The following TENM3 variants were observed in gnomAD, a reference collection of about 807,000 sequenced individuals.
TENM3 encodes teneurin transmembrane protein 3.
TENM3 carries 63 observed loss-of-function variants against 255.1 expected under a neutral mutation model. The ratio of observed to expected loss-of-function variants is 0.25; its 90% CI spans 0.20 to 0.30. The LOEUF (loss-of-function observed/expected upper bound fraction) is 0.30. TENM3 is among the 10% of genes least tolerant of loss of function. TENM3 has a pLI of 1.00. For missense variants in TENM3, 2,929 were observed against 3,461.1 expected (o/e 0.85, Z 3.86); for synonymous variants, 1,306 against 1,322.3 (o/e 0.99, Z 0.27).
chr4:182,631,240 A>G (rs1044576095), intron 5 of TENM3, among the ~76,000 whole-genome samples: 13 of 152,152 alleles, frequency 8.5e-5, no homozygotes, highest in African/African-American at 3.1e-4. Flanking sequence ...ACAGATATTT[A>G]TTGAACATTT....
intron 12 of TENM3, among the ~76,000 whole-genome samples, chr4:182,712,605 G>A (rs971923392): frequency 5.3e-5 from 8 of 152,104 alleles, no homozygotes; most frequent in African/African-American, 1.4e-4. Flanking sequence ...AGAGACAGTC[G>A]AAATAGTCTT....
chr4:182,081,047 T>C, the TENM3 span, among the ~76,000 whole-genome samples: 2 of 152,124 alleles, frequency 1.3e-5, no homozygotes, highest in African/African-American at 4.8e-5. Context: ...TTTGGTAATT[T>C]AGGAGACTTC....
At chr4:181,951,917 A>G in the TENM3 span, among the ~76,000 whole-genome samples, 1 of 152,178 alleles carries the variant, frequency 6.6e-6, no homozygotes, top group Non-Finnish European at 1.5e-5. Context: ...ATTGTTCTTT[A>G]TATATTGTAG....
At chr4:181,719,062 C>T in the TENM3 span, among the ~76,000 whole-genome samples, 1 of 151,156 alleles carries the variant, frequency 6.6e-6, no homozygotes, top group African/African-American at 2.4e-5. Flanking sequence ...AAAAATTAGC[C>T]GGGCGCGGTG....
chr4:181,553,310 ATGTG>A, the TENM3 span, among the ~76,000 whole-genome samples: 4,950 of 121,062 alleles, frequency 0.041, 218 homozygotes, highest in African/African-American at 0.12. Flanking sequence ...GTGTGTGTGT[ATGTG>A]TATGCGTATA....
intron 3 of TENM3, among the ~76,000 whole-genome samples, chr4:182,401,416 T>A (rs759050751): frequency 6.6e-6 from 1 of 152,204 alleles, no homozygotes; most frequent in Non-Finnish European, 1.5e-5. Flanking sequence ...AAAGTTGAAA[T>A]TATTCTTTAA....
chr4:182,173,246 C>T (rs149094235), intron 1 of TENM3, among the ~76,000 whole-genome samples: 1 of 152,210 alleles, frequency 6.6e-6, no homozygotes, highest in East Asian at 1.9e-4. Flanking sequence ...ACCTACAGCT[C>T]GGAAGTGATC....
At position 182,520,764 on chromosome 4, in the gene TENM3, A is replaced by G. The variant is rs188433992; in HGVS notation, c.512-80160A>G. Among the ~76,000 whole-genome samples, 202 of 152,334 alleles carry G rather than the reference A, an allele frequency of 1.3e-3. 1 individual carries two copies. Among genetic ancestry groups the G allele is most frequent in the South Asian group, 9.9e-3 (48 of 4,834 alleles). ...TCTTCTAGAGAGTTTGTGATTTATT[A>G]GTTTTATAACAAAATGGCTTAAAAG... On this transcript the variant is annotated intron_variant, in intron 3 of 27. Transcript: ENST00000511685.
intron 3 of TENM3, among the ~76,000 whole-genome samples, chr4:182,380,413 G>A (rs968869475): frequency 8.5e-5 from 13 of 152,208 alleles, no homozygotes; most frequent in African/African-American, 3.1e-4. Context: ...ACTCCATGTG[G>A]ACAGGCACCA....
At chr4:182,549,490 T>G (rs1002660722) in intron 3 of TENM3, among the ~76,000 whole-genome samples, 3 of 152,090 alleles carry the variant, frequency 2.0e-5, no homozygotes, top group African/African-American at 7.2e-5. Flanking sequence ...TAGCTTTTGG[T>G]GTTTTTGGGA....
At chr4:181,600,310 AG>A in the TENM3 span, among the ~76,000 whole-genome samples, 1 of 152,132 alleles carries the variant, frequency 6.6e-6, no homozygotes, top group South Asian at 2.1e-4. Flanking sequence ...CTAAAATCTG[AG>A]GGCTCCAGAG....
chr4:182,457,103 T>TG (rs1352644371), intron 3 of TENM3, among the ~76,000 whole-genome samples: 1 of 151,104 alleles, frequency 6.6e-6, no homozygotes, highest in Non-Finnish European at 1.5e-5. Flanking sequence ...GAGAATCTCT[T>TG]GCACCTGGGA....
the TENM3 span, among the ~76,000 whole-genome samples, chr4:181,898,562 A>G: frequency 6.6e-6 from 1 of 152,180 alleles, no homozygotes; most frequent in African/African-American, 2.4e-5. Context: ...GTATACTGCT[A>G]TATGTTCTAA....
chr4:182,139,935 T>G (rs1011843653), upstream of TENM3, among the ~76,000 whole-genome samples: 4 of 152,262 alleles, frequency 2.6e-5, no homozygotes, highest in African/African-American at 9.6e-5. Flanking sequence ...CCAAAATGCA[T>G]GCACATTGAG....
the TENM3 span, among the ~76,000 whole-genome samples, chr4:181,704,528 A>G: frequency 1.3e-5 from 2 of 152,040 alleles, no homozygotes; most frequent in African/African-American, 4.8e-5. Flanking sequence ...TTTTGTTCAG[A>G]TACAAATTAT....
Position 182,514,053 on chromosome 4 carries a change from T to G in TENM3, c.512-86871T>G, listed in dbSNP as rs983448101. 4.6e-5 allele frequency among the ~76,000 whole-genome samples: 7 copies of G among 152,346 alleles called. No individual in the cohort carries two copies. In the South Asian group the frequency reaches 1.4e-3, roughly 32 times the overall value. ...CTGCCTCCTAACCAACCCTGATGCT[T>G]CTTTTTGTGGCCCTGTTGGGGCGGC... On this transcript the variant is annotated intron_variant, in intron 3 of 27. Coordinates refer to ENST00000511685, the MANE Select transcript of TENM3 (RefSeq NM_001080477.4).
the TENM3 span, among the ~76,000 whole-genome samples, chr4:181,994,042 C>T: frequency 4.5e-4 from 69 of 152,070 alleles, no homozygotes; most frequent in African/African-American, 1.2e-3. Flanking sequence ...TCATTACATT[C>T]ATACAATGAT....
intron 19 of TENM3, among the ~76,000 whole-genome samples, chr4:182,747,361 C>T (rs996675066): frequency 1.3e-5 from 2 of 152,112 alleles, no homozygotes; most frequent in African/African-American, 4.8e-5. Flanking sequence ...AACTAATAAG[C>T]ACCACCAGGA....
the TENM3 span, among the ~76,000 whole-genome samples, chr4:181,781,603 C>G: frequency 6.6e-6 from 1 of 152,058 alleles, no homozygotes; most frequent in African/African-American, 2.4e-5. Context: ...AATTGAGTAC[C>G]CTTTATTTCT....
Sources: gnomAD v4.1 joint callset for allele counts (sites outside exome capture counted in the v4.1 genomes callset) on GRCh38, gnomAD v4.1.1 for gene constraint, MANE v1.5 for transcripts, NCBI Gene and HGNC (gene_info 2026-07-23, HGNC 2026-07-21) for gene names.